Variants in PLAGL1 observed in about 807,000 individuals in gnomAD.
The protein encoded by PLAGL1 is zinc finger protein PLAGL1.
PLAGL1 carries 1 observed loss-of-function variant against 4.6 expected under a neutral mutation model. That is an observed-to-expected ratio of 0.22 (90% CI 0.08 to 1.03). The LOEUF is 1.03. Ranked by LOEUF, PLAGL1 falls within the 50% of genes least tolerant of loss-of-function variation. The pLI, the probability that PLAGL1 is intolerant of heterozygous loss-of-function variation, is 0.58. For synonymous variants in PLAGL1, 240 were observed against 237.8 expected, an observed-to-expected ratio of 1.01 and a Z score of -0.08; for missense variants, 464 against 570.4, an observed-to-expected ratio of 0.81 and a Z score of 1.90.
At chr6:144,009,664 C>G (rs554103431), upstream of PLAGL1, among the ~76,000 whole-genome samples, 9 of 152,280 alleles carry the variant, frequency 5.9e-5, no homozygotes, top group African/African-American at 2.2e-4. Context: ...ATCCCTACCC[C>G]ACTAGCCCCC....
intron 6 of PLAGL1, among the ~76,000 whole-genome samples, chr6:143,956,929 C>G (rs1276993487): frequency 1.3e-5 from 2 of 152,208 alleles, no homozygotes; most frequent in Non-Finnish European, 2.9e-5. Context: ...GTCTGGGGCC[C>G]CTTCCACCAC....
rs578204413 is a variant in PLAGL1, at chr6:143,942,787, C to A, written c.153-124G>T. 151 of 658,490 alleles carry A rather than the reference C, an allele frequency of 2.3e-4. No individual in the cohort carries two copies. The African/African-American group carries it at 2.6e-3, about 11-fold the overall frequency. 40.8% of individuals were successfully genotyped at this position (658,490 alleles called of 1,614,324 possible). A position where few individuals can be genotyped will look rare whatever the true frequency, so the allele number is the denominator to read the frequency against. ...GGGTCTTGGTATAATTTTCAAAATT[C>A]TTTCATATATTTTCCAAATATATAA... On this transcript the variant is annotated intron_variant, in intron 7 of 7. Coordinates refer to ENST00000674357, the MANE Select transcript of PLAGL1 (RefSeq NM_001317162.2). This position sits in a 1 kb window ranked among gnomAD's most constrained non-coding sequence, Gnocchi z 7.6.
At chr6:143,991,126 A>G (rs1413424188) in intron 1 of PLAGL1, among the ~76,000 whole-genome samples, 1 of 152,230 alleles carries the variant, frequency 6.6e-6, no homozygotes, top group Non-Finnish European at 1.5e-5. Context: ...TTGTCCCATT[A>G]TGTCCACAAG....
chr6:143,941,568 G>A lies in PLAGL1; in HGVS notation c.1248C>T (p.Ser416=). The A allele has an allele frequency of 6.3e-7, 1 of 1,598,754 alleles. No homozygotes were observed. Among genetic ancestry groups the A allele is most frequent in the Non-Finnish European group, 8.5e-7 (1 of 1,171,792 alleles). Reference sequence around the variant, plus strand: ...GTTCTTGCTGCTGCTGCCCCAGACAGCTTAACCTGTGGGGCAAAGATTCCC... The same window carrying A: ...GTTCTTGCTGCTGCTGCCCCAGACAACTTAACCTGTGGGGCAAAGATTCCC... ...GPGESLPHRL[S]CLGQQQQEPP... The change falls in exon 8 of 8, where the codon AGC becomes AGT. Residue 416 remains serine (S), a synonymous_variant. Transcript: ENST00000674357. The surrounding 1 kb of genome is among the most constrained non-coding windows in gnomAD (Gnocchi z 6.0).
At chr6:144,028,871 A>G (rs1374299995) in intron 1 of PLAGL1, among the ~76,000 whole-genome samples, 1 of 152,238 alleles carries the variant, frequency 6.6e-6, no homozygotes, top group Non-Finnish European at 1.5e-5. Context: ...TTCAGAGACC[A>G]TAGAAACATT....
In PLAGL1 at chr6:143,984,721, T is replaced by C. The variant is rs750350307; in HGVS notation, c.-544+414A>G. On this transcript the variant is annotated intron_variant, in intron 2 of 7. Coordinates refer to ENST00000674357, the MANE Select transcript of PLAGL1 (RefSeq NM_001317162.2). The surrounding 1 kb of genome is among the most constrained non-coding windows in gnomAD (Gnocchi z 5.5). Reference sequence around the variant, plus strand: ...TAACTTCTCAAAGATGTATTTAAAATTGGTTTAGTATATTTCAATTCTCCT... The same window carrying C: ...TAACTTCTCAAAGATGTATTTAAAACTGGTTTAGTATATTTCAATTCTCCT... Among the ~76,000 whole-genome samples, 1 of 152,178 alleles carries C rather than the reference T, an allele frequency of 6.6e-6. No homozygotes were observed. Among genetic ancestry groups the C allele is most frequent in the Non-Finnish European group, 1.5e-5 (1 of 68,024 alleles).
At chr6:144,018,796 T>C (rs1213256147) in intron 1 of PLAGL1, among the ~76,000 whole-genome samples, 1 of 152,144 alleles carries the variant, frequency 6.6e-6, no homozygotes, top group African/African-American at 2.4e-5. Flanking sequence ...TCAAGACACA[T>C]CACATATGTA....
rs557415862 is a variant in PLAGL1 at position 143,947,030 on chromosome 6, T to C, written c.152+955A>G. 6.5e-4 allele frequency among the ~76,000 whole-genome samples: 99 copies of C among 152,334 alleles called. No homozygotes were observed. Among genetic ancestry groups the C allele is most frequent in the African/African-American group, 2.2e-3 (93 of 41,586 alleles). The stretch of plus-strand genomic sequence containing the variant: ...ATATCTAATGTATTCATTTCCCTCA[T>C]GGAAGTAGGTACCTAACAGGCACTC... On this transcript the variant is annotated intron_variant, in intron 7 of 7. Coordinates refer to ENST00000674357, the MANE Select transcript of PLAGL1 (RefSeq NM_001317162.2). The surrounding 1 kb of genome is among the most constrained non-coding windows in gnomAD (Gnocchi z 4.3).
rs555106203 is a variant in PLAGL1 at position 143,946,399 on chromosome 6, C to T, written c.152+1586G>A. Among the ~76,000 whole-genome samples the T allele has an allele frequency of 1.0e-3, 159 of 152,306 alleles. 2 individuals are homozygous for T. Among genetic ancestry groups the T allele is most frequent in the South Asian group, 4.1e-4 (2 of 4,828 alleles). On this transcript the variant is annotated intron_variant, in intron 7 of 7. Transcript: ENST00000674357. ...CGCTGCTCTCATGTTTGGGTAAGGA[C>T]GCTTACCCTCCGCACACGCAAGAAG...
In PLAGL1 at chr6:143,953,730, C is replaced by T. The variant is rs1179749518; in HGVS notation, c.-324-5270G>A. Among the ~76,000 whole-genome samples the T allele has an allele frequency of 2.0e-5, 3 of 152,160 alleles. No homozygotes were observed. Among genetic ancestry groups the T allele is most frequent in the Non-Finnish European group, 2.9e-5 (2 of 68,018 alleles). ...GAAAAGCAGGTAAACAAGCAGTGAT[C>T]GACTTGGCCATCCTAAGAAAGCTAA... is the stretch of plus-strand genomic sequence containing the variant. On this transcript the variant is annotated intron_variant, in intron 6 of 7. Coordinates refer to ENST00000674357, the MANE Select transcript of PLAGL1 (RefSeq NM_001317162.2). The surrounding 1 kb of genome is among the most constrained non-coding windows in gnomAD (Gnocchi z 5.3).
At position 143,949,060 on chromosome 6, in the gene PLAGL1, G is replaced by A. The variant is rs1259206599; in HGVS notation, c.-324-600C>T. ...CTAGTCTAGTTGCACTGATGTGGTGGCACAAAGCTGATAGCTCAGGAACCA... is the reference window on the plus strand; with the variant it reads ...CTAGTCTAGTTGCACTGATGTGGTGACACAAAGCTGATAGCTCAGGAACCA... On this transcript the variant is annotated intron_variant, in intron 6 of 7. Coordinates refer to ENST00000674357, the MANE Select transcript of PLAGL1 (RefSeq NM_001317162.2). The surrounding 1 kb of genome is among the most constrained non-coding windows in gnomAD (Gnocchi z 5.3). Among the ~76,000 whole-genome samples, 5 of 152,194 alleles carry A rather than the reference G, an allele frequency of 3.3e-5. No homozygotes were observed. The highest frequency in any genetic ancestry group is 2.0e-4 in the Admixed American group (3 of 15,282).
rs370220800 is a variant in PLAGL1, at chr6:143,964,810, T to A, written c.-422A>T. ...ACAAGATTAACTCCTCTGATTCCTA[T>A]GCAAATACCTAGAAAGGGAGAGACA... is the stretch of plus-strand genomic sequence containing the variant. On this transcript the variant is annotated 5_prime_UTR_variant, in exon 5 of 8. Transcript: ENST00000674357. The surrounding 1 kb of genome is among the most constrained non-coding windows in gnomAD (Gnocchi z 4.3). 3.3e-5 allele frequency: 5 copies of A among 152,228 alleles called. No individual in the cohort carries two copies. Among genetic ancestry groups the A allele is most frequent in the African/African-American group, 4.8e-5 (2 of 41,450 alleles). 9.4% of individuals were successfully genotyped at this position (152,228 alleles called of 1,614,324 possible). A position where few individuals can be genotyped will look rare whatever the true frequency, so the allele number is the denominator to read the frequency against.
chr6:143,991,508 A>T (rs138211543), intron 1 of PLAGL1, among the ~76,000 whole-genome samples: 1 of 152,322 alleles, frequency 6.6e-6, no homozygotes, highest in African/African-American at 2.4e-5. Flanking sequence ...TTATGTGCTT[A>T]TCCCATAACC....
intron 6 of PLAGL1, among the ~76,000 whole-genome samples, chr6:143,951,280 T>C (rs1781028471): frequency 6.6e-6 from 1 of 152,222 alleles, no homozygotes; most frequent in Non-Finnish European, 1.5e-5. Flanking sequence ...TTAAAAGTAC[T>C]ATAGAACCAT....
intron 1 of PLAGL1, among the ~76,000 whole-genome samples, chr6:144,021,124 C>G (rs1795947267): frequency 6.6e-6 from 1 of 151,958 alleles, no homozygotes; most frequent in Admixed American, 6.6e-5. Flanking sequence ...TGAGACATGA[C>G]AACTGGGCAT....
chr6:144,041,673 T>C (rs1403692261), intron 1 of PLAGL1, among the ~76,000 whole-genome samples: 2 of 152,236 alleles, frequency 1.3e-5, no homozygotes, highest in Non-Finnish European at 1.5e-5. Context: ...CATAGTAGCA[T>C]GATTTATAAT....
chr6:143,974,421 A>G (rs1786056675), intron 2 of PLAGL1, among the ~76,000 whole-genome samples: 1 of 152,034 alleles, frequency 6.6e-6, no homozygotes, highest in Non-Finnish European at 1.5e-5. Flanking sequence ...AGTGACCTCC[A>G]GGGCCATCTA....
chr6:144,006,564 T>G lies in PLAGL1; in HGVS notation c.-584+1526A>C, dbSNP rs758174152. The G allele has an allele frequency of 6.6e-6, 1 of 152,156 alleles. No homozygotes were observed. Among genetic ancestry groups the G allele is most frequent in the Admixed American group, 6.5e-5 (1 of 15,278 alleles). 9.4% of individuals were successfully genotyped at this position (152,156 alleles called of 1,614,324 possible). A position where few individuals can be genotyped will look rare whatever the true frequency, so the allele number is the denominator to read the frequency against. ...TTTACATAGAAGATATCACACAGCATTCTCCGGCAACTTTTTTTTTTTTTG... is the reference window on the plus strand; with the variant it reads ...TTTACATAGAAGATATCACACAGCAGTCTCCGGCAACTTTTTTTTTTTTTG... On this transcript the variant is annotated intron_variant, in intron 1 of 7. Coordinates refer to ENST00000674357, the MANE Select transcript of PLAGL1 (RefSeq NM_001317162.2). This position sits in a 1 kb window ranked among gnomAD's most constrained non-coding sequence, Gnocchi z 4.3.
At chr6:143,993,830 T>G (rs769135142) in intron 1 of PLAGL1, among the ~76,000 whole-genome samples, 5 of 152,132 alleles carry the variant, frequency 3.3e-5, no homozygotes, top group Non-Finnish European at 7.4e-5. Flanking sequence ...TCTAGGGCTG[T>G]GTTTACTAGC....
Sources: gnomAD v4.1 joint callset for allele counts (sites outside exome capture counted in the v4.1 genomes callset) on GRCh38, gnomAD v4.1.1 for gene constraint, Gnocchi (gnomAD v3.1) non-coding constraint, MANE v1.5 for transcripts, NCBI Gene and HGNC (gene_info 2026-07-23, HGNC 2026-07-21) for gene names.